C10orf53: variants seen among roughly 807,000 people sequenced by gnomAD.
C10orf53 encodes chromosome 10 open reading frame 53.
A neutral mutation model predicts 9.4 loss-of-function variants in C10orf53; 8 were observed. The ratio of observed to expected loss-of-function variants is 0.85; its 90% CI spans 0.50 to 1.53. The LOEUF is 1.53. Ranked by LOEUF, C10orf53 falls within the 40% of genes most tolerant of loss-of-function variation. C10orf53 has a pLI of 0.00. For synonymous variants in C10orf53, 48 were observed against 46.0 expected, an observed-to-expected ratio of 1.04 and a Z score of -0.18; for missense variants, 117 against 117.8, an observed-to-expected ratio of 0.99 and a Z score of 0.03.
intron 1 of C10orf53, among the ~76,000 whole-genome samples, chr10:49,683,130 C>T (rs1347792482): frequency 6.6e-6 from 1 of 152,168 alleles, no homozygotes; most frequent in Non-Finnish European, 1.5e-5. Context: ...GAGGAATGAC[C>T]AAACTGTTTT....
In C10orf53 at chr10:49,679,672, G is replaced by T. The variant is rs779398271; in HGVS notation, c.-26G>T. On this transcript the variant is annotated 5_prime_UTR_variant, in exon 1 of 3. Transcript: ENST00000374111. The stretch of plus-strand genomic sequence containing the variant: ...GCTTAGCAGCGTGTGTTTCTCCCTT[G>T]CCTCTGCGGCGGCGGAGGCCTGGCG... 3.9e-6 allele frequency: 6 copies of T among 1,543,594 alleles called. No homozygotes were observed. Among genetic ancestry groups the T allele is most frequent in the Non-Finnish European group, 4.4e-6 (5 of 1,143,878 alleles).
Position 49,693,856 on chromosome 10 carries a change from A to C in C10orf53, c.180A>C (p.Glu60Asp). Residue 60 changes from glutamate to aspartate, a missense_variant, in exon 2 of 3, where the codon GAA (glutamate) becomes GAC (aspartate). Glu to Asp is a conservative substitution (Grantham distance 45). Transcript: ENST00000374111. Reference sequence around the variant, plus strand: ...TGGTGGAACTCATGGTGAATGAAGAAGTCATCTTCCACTGCAACATTAAGG... The same window carrying C: ...TGGTGGAACTCATGGTGAATGAAGACGTCATCTTCCACTGCAACATTAAGG... ...WNVVELMVNE[E>D]VIFHCNIKDL... is the part of the protein sequence containing the mutation. 1 of 1,614,250 alleles carries C rather than the reference A, an allele frequency of 6.2e-7. No individual in the cohort carries two copies. Among genetic ancestry groups the C allele is most frequent in the Non-Finnish European group, 8.5e-7 (1 of 1,180,032 alleles).
downstream of C10orf53, among the ~76,000 whole-genome samples, chr10:49,698,097 C>G (rs1031585847): frequency 3.3e-5 from 5 of 152,044 alleles, no homozygotes; most frequent in Non-Finnish European, 5.9e-5. Flanking sequence ...TCCAGACCAG[C>G]CTGGGCAACA....
intron 2 of C10orf53, among the ~76,000 whole-genome samples, chr10:49,703,043 AG>A (rs1840695854): frequency 6.6e-6 from 1 of 151,910 alleles, no homozygotes; most frequent in Non-Finnish European, 1.5e-5. Context: ...CCTCAAGGGG[AG>A]GGGGGTCGCC....
chr10:49,685,368 T>C (rs1840518812), intron 1 of C10orf53, among the ~76,000 whole-genome samples: 1 of 152,192 alleles, frequency 6.6e-6, no homozygotes, highest in Non-Finnish European at 1.5e-5. Context: ...ATGTAAGTGT[T>C]CTCAGCATTT....
intron 1 of C10orf53, among the ~76,000 whole-genome samples, chr10:49,691,618 G>A (rs1437267704): frequency 3.3e-5 from 5 of 152,150 alleles, no homozygotes; most frequent in Admixed American, 6.5e-5. Flanking sequence ...CCCATTATTC[G>A]GCACCCCTCA....
rs369717123 is a variant in C10orf53, at chr10:49,694,543, G to A, written c.223G>A (p.Asp75Asn). 50 of 1,614,064 alleles carry A rather than the reference G, an allele frequency of 3.1e-5. No individual in the cohort carries two copies. Among genetic ancestry groups the A allele is most frequent in the Non-Finnish European group, 4.0e-5 (47 of 1,180,018 alleles). Reference protein sequence around the residue: ...CNIKDLEFGGDGKLDPLCEKA... With the variant: ...CNIKDLEFGGNGKLDPLCEKA... ...AATTATATCTGTTTCCCTAGGAGGC[G>A]ATGGTAAACTAGACCCACTGTGTGA... is the stretch of plus-strand genomic sequence containing the variant. Residue 75 changes from aspartate (D) to asparagine (N), a missense_variant, in exon 3 of 3, where the codon GAT becomes AAT. Coordinates refer to ENST00000374111, the MANE Select transcript of C10orf53 (RefSeq NM_001042427.3).
At chr10:49,698,379 G>A (rs1031618531), downstream of C10orf53, among the ~76,000 whole-genome samples, 1 of 152,170 alleles carries the variant, frequency 6.6e-6, no homozygotes, top group Non-Finnish European at 1.5e-5. Flanking sequence ...AGGTTGCTGG[G>A]ACATCTCAGT....
At chr10:49,685,031 A>C (rs1429435392) in intron 1 of C10orf53, among the ~76,000 whole-genome samples, 3 of 152,172 alleles carry the variant, frequency 2.0e-5, no homozygotes, top group Admixed American at 6.5e-5. Context: ...TCTCCCCAAG[A>C]CTGCAACATA....
intron 1 of C10orf53, among the ~76,000 whole-genome samples, chr10:49,691,002 C>T (rs984350208): frequency 3.3e-5 from 5 of 152,198 alleles, no homozygotes; most frequent in African/African-American, 9.7e-5. Flanking sequence ...AATGAGGTGC[C>T]ACTTCAAAGA....
intron 2 of C10orf53, among the ~76,000 whole-genome samples, chr10:49,704,038 T>TA (rs1442177829): frequency 6.6e-6 from 1 of 152,224 alleles, no homozygotes; most frequent in Non-Finnish European, 1.5e-5. Flanking sequence ...GTCCTTATCC[T>TA]ACTATAAACT....
intron 1 of C10orf53, among the ~76,000 whole-genome samples, chr10:49,680,155 G>A (rs1293791598): frequency 1.3e-5 from 2 of 152,228 alleles, no homozygotes; most frequent in Non-Finnish European, 2.9e-5. Flanking sequence ...TCTCTTAATC[G>A]TTCATGCAGC....
downstream of C10orf53, among the ~76,000 whole-genome samples, chr10:49,699,898 C>CG (rs997068114): frequency 2.6e-5 from 4 of 152,058 alleles, no homozygotes; most frequent in Admixed American, 2.0e-4. Flanking sequence ...AGCTCATCCC[C>CG]CCCGAGATCA....
intron 1 of C10orf53, among the ~76,000 whole-genome samples, chr10:49,693,213 A>G (rs1840601269): frequency 6.6e-6 from 1 of 152,200 alleles, no homozygotes; most frequent in African/African-American, 2.4e-5. Context: ...ATTATTGGAT[A>G]TGTAAGTTAT....
At chr10:49,708,702 G>A in exon 3 of C10orf53, 1 of 1,539,554 alleles carries the variant, frequency 6.5e-7, no homozygotes, top group Non-Finnish European at 8.7e-7. Context: ...GTGAATAGAT[G>A]CTGAGTCCCC....
chr10:49,694,697 A>G lies in C10orf53; in HGVS notation c.*95A>G. On this transcript the variant is annotated 3_prime_UTR_variant, in exon 3 of 3. Transcript: ENST00000374111. ...GAAGTGGCTGTGCCACGGTGTGGAC[A>G]CTGGGCTCTGCTAGTCAGAACAGGG... The G allele has an allele frequency of 6.3e-7, 1 of 1,593,732 alleles. No individual in the cohort carries two copies. The highest frequency in any genetic ancestry group is 1.1e-5 in the South Asian group (1 of 88,544).
intron 2 of C10orf53, chr10:49,694,334 C>T (rs112903875): frequency 2.6e-5 from 18 of 684,672 alleles, no homozygotes; most frequent in Admixed American, 2.1e-4. Flanking sequence ...GAGCTTCTGG[C>T]CTGGCAGGCT....
At chr10:49,700,483 A>G (rs984278128), downstream of C10orf53, among the ~76,000 whole-genome samples, 1 of 152,144 alleles carries the variant, frequency 6.6e-6, no homozygotes, top group Non-Finnish European at 1.5e-5. Flanking sequence ...TCTGGGCCTC[A>G]TGTTCTTGGG....
At chr10:49,702,135 T>G (rs7923918), downstream of C10orf53, among the ~76,000 whole-genome samples, 68,973 of 150,856 alleles carry the variant, frequency 0.46, 16,126 homozygotes, top group Middle Eastern at 0.51. Context: ...AGGCGGAGAT[T>G]GCAGTGAGCC....
Sources: allele counts gnomAD v4.1 joint callset (sites outside exome capture counted in the v4.1 genomes callset), GRCh38; gene constraint gnomAD v4.1.1; transcripts MANE v1.5; gene names NCBI Gene and HGNC (gene_info 2026-07-23, HGNC 2026-07-21).